The following UBE2D2 variants were observed in gnomAD, a reference collection of about 807,000 sequenced individuals.
The protein encoded by UBE2D2 is ubiquitin conjugating enzyme E2 D2.
UBE2D2 carries 2 observed loss-of-function variants against 24.2 expected under a neutral mutation model. That is an observed-to-expected ratio of 0.08 (90% CI 0.03 to 0.26). UBE2D2 has a LOEUF of 0.26. Ranked by LOEUF, UBE2D2 falls within the 10% of genes least tolerant of loss-of-function variation. UBE2D2 has a pLI of 1.00. For missense variants in UBE2D2, 44 were observed against 177.6 expected (o/e 0.25, Z 4.28); for synonymous variants, 58 against 56.5 (o/e 1.03, Z -0.12).
intron 1 of UBE2D2, among the ~76,000 whole-genome samples, chr5:139,527,578 T>C (rs2126623905): frequency 1.3e-5 from 2 of 152,242 alleles, no homozygotes; most frequent in South Asian, 4.1e-4. Context: ...AAAAAAACAA[T>C]GGTTATCTTC....
chr5:139,549,860 C>G (rs375748799), intron 1 of UBE2D2, among the ~76,000 whole-genome samples: 2 of 152,346 alleles, frequency 1.3e-5, no homozygotes, highest in Non-Finnish European at 1.5e-5. Flanking sequence ...AGTGTACATG[C>G]GCCAATCAGC....
intron 2 of UBE2D2, 49 bp from the exon 3 acceptor site, chr5:139,614,537 T>TA: frequency 6.3e-7 from 1 of 1,594,580 alleles, no homozygotes; most frequent in East Asian, 2.2e-5. Flanking sequence ...ATGGCGTAGA[T>TA]ACAATGTAGA....
At chr5:139,618,832 C>T (rs567622837) in intron 5 of UBE2D2, among the ~76,000 whole-genome samples, 1 of 152,078 alleles carries the variant, frequency 6.6e-6, no homozygotes, top group African/African-American at 2.4e-5. Context: ...TTAATGAGTC[C>T]CTTTTTGTAA....
chr5:139,609,557 G>A (rs1754267511), intron 2 of UBE2D2, among the ~76,000 whole-genome samples: 1 of 151,456 alleles, frequency 6.6e-6, no homozygotes, highest in African/African-American at 2.4e-5. Flanking sequence ...TTTTAGTAGA[G>A]ATGGGGTTTC....
intron 1 of UBE2D2, among the ~76,000 whole-genome samples, chr5:139,565,955 G>A (rs2126650143): frequency 6.6e-6 from 1 of 152,038 alleles, no homozygotes; most frequent in South Asian, 2.1e-4. Flanking sequence ...ATAACGTTTG[G>A]CATACATAGC....
At chr5:139,610,906 A>G (rs1754304262) in intron 2 of UBE2D2, among the ~76,000 whole-genome samples, 1 of 152,128 alleles carries the variant, frequency 6.6e-6, no homozygotes, top group Admixed American at 6.6e-5. Context: ...ATCAGCAGTC[A>G]TGGCAGGACA....
upstream of UBE2D2, among the ~76,000 whole-genome samples, chr5:139,557,680 G>A (rs1753000331): frequency 6.6e-6 from 1 of 152,048 alleles, no homozygotes; most frequent in African/African-American, 2.4e-5. Flanking sequence ...CCCGGAGACG[G>A]AGACTGCAGT....
intron 2 of UBE2D2, among the ~76,000 whole-genome samples, chr5:139,604,623 G>T (rs1754157312): frequency 6.6e-6 from 1 of 152,164 alleles, no homozygotes; most frequent in South Asian, 2.1e-4. Flanking sequence ...AGTGGCTCAT[G>T]CCTGTAATCC....
intron 5 of UBE2D2, among the ~76,000 whole-genome samples, chr5:139,622,975 G>A (rs931335292): frequency 4.6e-5 from 7 of 152,090 alleles, no homozygotes; most frequent in African/African-American, 9.6e-5. Context: ...AGGCCGAGGC[G>A]GGTGAATCAC....
Position 139,561,760 on chromosome 5 carries a change from G to A in UBE2D2, c.-32G>A, listed in dbSNP as rs761368461. 3.6e-5 allele frequency: 18 copies of A among 500,300 alleles called. No individual in the cohort carries two copies. The highest frequency in any genetic ancestry group is 9.1e-4 in the Middle Eastern group (2 of 2,194). The allele number at this position is 500,300 out of a possible 1,614,324, so 31.0% of individuals were successfully genotyped here. ...CCGTCCCTTCCCCGCCCCCGTCCCC[G>A]CCCCGGGGGCCGCCGCCACCCGCCT... is the stretch of plus-strand genomic sequence containing the variant. On this transcript the variant is annotated 5_prime_UTR_variant, in exon 1 of 7. Transcript: ENST00000398733.
chr5:139,617,044 G>A (rs577871355), intron 5 of UBE2D2, among the ~76,000 whole-genome samples: 1 of 152,128 alleles, frequency 6.6e-6, no homozygotes, highest in African/African-American at 2.4e-5. Context: ...TTAGCCAGGT[G>A]TGATGGTGCG....
At chr5:139,595,085 A>G (rs1303720757) in intron 1 of UBE2D2, among the ~76,000 whole-genome samples, 4 of 152,188 alleles carry the variant, frequency 2.6e-5, no homozygotes, top group Admixed American at 6.6e-5. Context: ...TTGACCCACA[A>G]TTGGTGGAAC....
chr5:139,602,710 G>A (rs764153881), intron 2 of UBE2D2, among the ~76,000 whole-genome samples: 2 of 151,786 alleles, frequency 1.3e-5, no homozygotes, highest in African/African-American at 4.8e-5. Context: ...AACAAAAAAC[G>A]GAAAAAAAGA....
Position 139,623,385 on chromosome 5 carries a change from T to A in UBE2D2, c.322T>A (p.Ser108Thr). 6.2e-7 allele frequency: 1 copy of A among 1,601,832 alleles called. No homozygotes were observed. The highest frequency in any genetic ancestry group is 8.5e-7 in the Non-Finnish European group (1 of 1,170,652). ...CATTCTAGTACTCTTGTCCATCTGT[T>A]CTCTGTTGTGTGATCCCAATCCAGA... ...TISKVLLSIC[S>T]LLCDPNPDDP... The change falls in exon 6 of 7, where the codon TCT (serine) becomes ACT (threonine). Residue 108 changes from serine to threonine, a missense_variant. By Grantham distance (58) the Ser-to-Thr change is moderately conservative. This residue lies in a region of UBE2D2 where 23 missense variants were observed against 141.9 expected (regional missense o/e 0.16). Transcript: ENST00000398733.
chr5:139,549,861 G>T (rs950563868), intron 1 of UBE2D2, among the ~76,000 whole-genome samples: 10 of 152,202 alleles, frequency 6.6e-5, no homozygotes, highest in African/African-American at 2.4e-4. Flanking sequence ...GTGTACATGC[G>T]CCAATCAGCA....
intron 1 of UBE2D2, among the ~76,000 whole-genome samples, chr5:139,576,655 C>T (rs1010243781): frequency 1.6e-4 from 25 of 152,102 alleles, no homozygotes; most frequent in African/African-American, 6.0e-4. Context: ...GTATGAGCCA[C>T]TGCGCCCAGC....
chr5:139,548,214 A>AAATG (rs1752864768), intron 1 of UBE2D2, among the ~76,000 whole-genome samples: 1 of 147,408 alleles, frequency 6.8e-6, no homozygotes, highest in Admixed American at 6.8e-5. Flanking sequence ...ATAAATAAAT[A>AAATG]AACGTTCCCT....
intron 5 of UBE2D2, among the ~76,000 whole-genome samples, chr5:139,616,406 T>C (rs1443475082): frequency 6.6e-6 from 1 of 152,094 alleles, no homozygotes; most frequent in Non-Finnish European, 1.5e-5. Flanking sequence ...GGATGTACTT[T>C]TGTGAAAATG....
intron 1 of UBE2D2, among the ~76,000 whole-genome samples, chr5:139,583,484 A>G (rs1488859138): frequency 6.6e-6 from 1 of 152,176 alleles, no homozygotes; most frequent in Non-Finnish European, 1.5e-5. Context: ...GAAGTTGGCC[A>G]GGTGCAGTGG....
Sources: gnomAD v4.1 joint callset for allele counts (sites outside exome capture counted in the v4.1 genomes callset) on GRCh38, gnomAD v4.1.1 for gene constraint, gnomAD v4.1.1 regional missense constraint, MANE v1.5 for transcripts, NCBI Gene and HGNC (gene_info 2026-07-23, HGNC 2026-07-21) for gene names.